The following APP variants were observed in gnomAD, a reference collection of about 807,000 sequenced individuals.
APP encodes the protein amyloid-beta precursor protein.
In APP, 31 loss-of-function variants were observed where a neutral mutation model predicts 101.4. That is an observed-to-expected ratio of 0.31 (90% CI 0.23 to 0.41). The LOEUF is 0.41. APP is among the 10% of genes least tolerant of loss of function. APP has a pLI of 1.00. For missense variants in APP, 839 were observed against 1,003.7 expected, an observed-to-expected ratio of 0.84 and a Z score of 2.22; for synonymous variants, 366 against 364.4, an observed-to-expected ratio of 1.00 and a Z score of -0.05.
chr21:25,914,945 C>T (rs542686822), intron 13 of APP, among the ~76,000 whole-genome samples: 1 of 152,314 alleles, frequency 6.6e-6, no homozygotes, highest in African/African-American at 2.4e-5. Flanking sequence ...CAGCACAAAC[C>T]GACTGAGACA....
intron 5 of APP, among the ~76,000 whole-genome samples, chr21:26,043,635 A>AACTCAAAT (rs1356525621): frequency 6.6e-6 from 1 of 152,222 alleles, no homozygotes; most frequent in African/African-American, 2.4e-5. Context: ...AATGTGATTC[A>AACTCAAAT]ACTCAAATAC....
At chr21:26,140,436 G>T in intron 1 of APP, 1 of 1,231,860 alleles carries the variant, frequency 8.1e-7, no homozygotes, top group Non-Finnish European at 1.1e-6. Context: ...AGCTAACAAT[G>T]GACAACCAAA....
At chr21:26,017,712 T>C (rs550468764) in intron 6 of APP, among the ~76,000 whole-genome samples, 1 of 152,312 alleles carries the variant, frequency 6.6e-6, no homozygotes, top group East Asian at 1.9e-4. Context: ...CAATCAGAAT[T>C]TAGAATTTAT....
chr21:25,993,680 G>A (rs1430864161), intron 8 of APP, among the ~76,000 whole-genome samples: 2 of 152,200 alleles, frequency 1.3e-5, no homozygotes, highest in African/African-American at 4.8e-5. Context: ...TTTGTGGAAA[G>A]TACACGTGTT....
At chr21:25,918,912 T>G (rs1243377542) in intron 13 of APP, among the ~76,000 whole-genome samples, 1 of 144,140 alleles carries the variant, frequency 6.9e-6, no homozygotes, top group East Asian at 2.0e-4. Flanking sequence ...CTCTGTAGGC[T>G]CCACCTCTGG....
intron 1 of APP, among the ~76,000 whole-genome samples, chr21:26,137,880 G>A (rs1406200553): frequency 1.3e-5 from 2 of 152,064 alleles, no homozygotes; most frequent in Non-Finnish European, 2.9e-5. Context: ...CTGAGTCATG[G>A]CTGTTCCAAT....
intron 2 of APP, among the ~76,000 whole-genome samples, chr21:26,109,478 T>C (rs1482965901): frequency 6.6e-6 from 1 of 152,216 alleles, no homozygotes; most frequent in Non-Finnish European, 1.5e-5. Context: ...CCTCCTGCCA[T>C]GATTCTAAGT....
chr21:26,169,854 C>T (rs778794697), intron 1 of APP, among the ~76,000 whole-genome samples: 1 of 152,216 alleles, frequency 6.6e-6, no homozygotes, highest in African/African-American at 2.4e-5. Context: ...CTATGGGTCT[C>T]CGACCCCTCC....
chr21:26,110,309 G>C (rs2062284223), intron 2 of APP, among the ~76,000 whole-genome samples: 1 of 152,126 alleles, frequency 6.6e-6, no homozygotes, highest in Non-Finnish European at 1.5e-5. Flanking sequence ...AGCTGGGCGT[G>C]GTGGCGGGTG....
At chr21:26,124,527 A>G (rs2062641308) in intron 1 of APP, among the ~76,000 whole-genome samples, 2 of 152,248 alleles carry the variant, frequency 1.3e-5, no homozygotes, top group South Asian at 4.1e-4. Flanking sequence ...AGAATTACAT[A>G]AACAGTGTGA....
chr21:26,156,000 C>CAAAAAAAAAAAAA (rs757330872), intron 1 of APP, among the ~76,000 whole-genome samples: 1 of 90,178 alleles, frequency 1.1e-5, no homozygotes, highest in Non-Finnish European at 2.4e-5. Context: ...GACTTCGTCT[C>CAAAAAAAAAAAAA]AAAAAAAAAA....
chr21:26,133,645 G>A (rs545992284), intron 1 of APP, among the ~76,000 whole-genome samples: 1 of 152,128 alleles, frequency 6.6e-6, no homozygotes, highest in African/African-American at 2.4e-5. Flanking sequence ...ACTACAGCAC[G>A]CTTGTAATCC....
chr21:25,990,474 C>G (rs547287476), intron 8 of APP, among the ~76,000 whole-genome samples: 5 of 152,164 alleles, frequency 3.3e-5, no homozygotes, highest in Admixed American at 6.5e-5. Context: ...ATGGGTTAAC[C>G]TTAGGTTATT....
At chr21:26,009,779 G>C (rs888081140) in intron 6 of APP, 1 of 152,280 alleles carries the variant, frequency 6.6e-6, no homozygotes, top group Non-Finnish European at 1.5e-5. Flanking sequence ...TAGTAGCGAG[G>C]GGTTTCACCA....
chr21:26,078,942 C>T (rs1289945541), intron 3 of APP, among the ~76,000 whole-genome samples: 1 of 150,588 alleles, frequency 6.6e-6, no homozygotes, highest in Admixed American at 6.7e-5. Context: ...ACTTGGCAGG[C>T]TTAGGCAGGA....
intron 3 of APP, among the ~76,000 whole-genome samples, chr21:26,065,752 G>A (rs992631280): frequency 5.3e-5 from 8 of 152,140 alleles, no homozygotes; most frequent in African/African-American, 1.7e-4. Context: ...TAAGTTATAG[G>A]TGCTTTTTTG....
At position 25,884,877 on chromosome 21, in the gene APP, G is replaced by C. The variant is rs375936193; in HGVS notation, c.2212-3106C>G. On this transcript the variant is annotated intron_variant, in intron 17 of 17. Coordinates refer to ENST00000346798, the MANE Select transcript of APP (RefSeq NM_000484.4). The stretch of plus-strand genomic sequence containing the variant: ...TGCATCAAGGGCAGGGGAACACCTG[G>C]CAATTTGATAGGTTTATCTCCTCTT... Among the ~76,000 whole-genome samples, 34 of 152,316 alleles carry C rather than the reference G, an allele frequency of 2.2e-4. No homozygotes were observed. The East Asian group carries it at 5.8e-3, about 26-fold the overall frequency.
intron 6 of APP, among the ~76,000 whole-genome samples, chr21:26,011,782 T>C (rs114888576): frequency 0.018 from 2,049 of 111,038 alleles, 48 homozygotes; most frequent in African/African-American, 0.065. Context: ...AAGCAAGACT[T>C]TTCTTTGCTC....
intron 3 of APP, among the ~76,000 whole-genome samples, chr21:26,070,686 A>C (rs989539244): frequency 6.6e-6 from 1 of 152,242 alleles, no homozygotes; most frequent in African/African-American, 2.4e-5. Flanking sequence ...AAAACCAAAC[A>C]AAACACCCAG....
Sources: allele counts gnomAD v4.1 joint callset (sites outside exome capture counted in the v4.1 genomes callset), GRCh38; gene constraint gnomAD v4.1.1; transcripts MANE v1.5; gene names NCBI Gene and HGNC (gene_info 2026-07-23, HGNC 2026-07-21).